Variants in OR2T1 observed in about 807,000 individuals in gnomAD.
OR2T1 encodes the protein olfactory receptor family 2 subfamily T member 1.
For synonymous variants in OR2T1, 186 were observed against 145.4 expected, an observed-to-expected ratio of 1.28 and a Z score of -2.01; for missense variants, 440 against 390.2, an observed-to-expected ratio of 1.13 and a Z score of -1.07.
intron 1 of OR2T1, among the ~76,000 whole-genome samples, chr1:248,403,898 T>C (rs1661483343): frequency 6.6e-6 from 1 of 152,098 alleles, no homozygotes; most frequent in Non-Finnish European, 1.5e-5. Flanking sequence ...TTTGCATTGC[T>C]AGGTTTGCAG....
rs1270238152 is a variant in OR2T1 at position 248,406,852 on chromosome 1, G to A, written c.705G>A (p.Lys235=). The change falls in exon 2 of 2, where the codon AAG becomes AAA. Residue 235 remains lysine (K), a synonymous_variant. Transcript: ENST00000642005. ...TGAGCTCAGTGGAGGGCAGGAAGAA[G>A]GCATTTGCCACTTGCTCATCCCACA... The part of the protein sequence containing the change: ...QCMSSVEGRK[K]AFATCSSHMT... 1.2e-6 allele frequency: 2 copies of A among 1,614,172 alleles called. No homozygotes were observed. Among genetic ancestry groups the A allele is most frequent in the Admixed American group, 1.7e-5 (1 of 60,008 alleles).
Position 248,407,895 on chromosome 1 carries a change from G to A in OR2T1, c.*791G>A, listed in dbSNP as rs1308260602. 6.6e-6 allele frequency: 1 copy of A among 152,208 alleles called. No individual in the cohort carries two copies. The highest frequency in any genetic ancestry group is 2.4e-5 in the African/African-American group (1 of 41,458). The allele number at this position is 152,208 out of a possible 1,614,324, so 9.4% of individuals were successfully genotyped here. Reference sequence around the variant, plus strand: ...TCCTTGAATTCTGTGAGCCTTTATAGTAAACTAACTGAACCCAAGGAAGGG... The same window carrying A: ...TCCTTGAATTCTGTGAGCCTTTATAATAAACTAACTGAACCCAAGGAAGGG... On this transcript the variant is annotated 3_prime_UTR_variant, in exon 2 of 2. Coordinates refer to ENST00000642005, the MANE Select transcript of OR2T1 (RefSeq NM_030904.2).
intron 1 of OR2T1, among the ~76,000 whole-genome samples, chr1:248,404,122 G>A (rs186130005): frequency 4.0e-3 from 8 of 2,010 alleles, no homozygotes; most frequent in Admixed American, 0.016. Context: ...CCAGAGCTAC[G>A]GAAAAATTCC....
chr1:248,406,430 G>C lies in OR2T1; in HGVS notation c.283G>C (p.Gly95Arg). 6.2e-7 allele frequency: 1 copy of C among 1,614,116 alleles called. No individual in the cohort carries two copies. Among genetic ancestry groups the C allele is most frequent in the Non-Finnish European group, 8.5e-7 (1 of 1,179,996 alleles). Residue 95 changes from glycine (G) to arginine (R), a missense_variant, in exon 2 of 2, where the codon GGG (glycine) becomes CGG (arginine). Transcript: ENST00000642005. ...GGATCAAAGGACCATTTCCTTTGTG[G>C]GGTGCACAGCTCAACACTTCCTCTA... is the stretch of plus-strand genomic sequence containing the variant. ...LLDQRTISFV[G>R]CTAQHFLYLT...
Position 248,404,041 on chromosome 1 carries a change from T to A in OR2T1, c.-34+796T>A, listed in dbSNP as rs181958056. Among the ~76,000 whole-genome samples, 6 of 152,200 alleles carry A rather than the reference T, an allele frequency of 3.9e-5. No homozygotes were observed. The East Asian group carries it at 7.7e-4, about 20-fold the overall frequency. On this transcript the variant is annotated intron_variant, in intron 1 of 1. Transcript: ENST00000642005. ...ATGGATAAAAGATCATCCTTTATAT[T>A]CTTGAAGTTTGTTGTGGATTTTACT...
Position 248,407,188 on chromosome 1 carries a change from A to G in OR2T1, c.*84A>G. ...GCTTTCATCAAAAGATGAAGCAAAAAGGGAGGGAGTCATATGATTACAATA... is the reference window on the plus strand; with the variant it reads ...GCTTTCATCAAAAGATGAAGCAAAAGGGGAGGGAGTCATATGATTACAATA... On this transcript the variant is annotated 3_prime_UTR_variant, in exon 2 of 2. Coordinates refer to ENST00000642005, the MANE Select transcript of OR2T1 (RefSeq NM_030904.2). 1.5e-6 allele frequency: 2 copies of G among 1,323,174 alleles called. No homozygotes were observed. The highest frequency in any genetic ancestry group is 2.3e-5 in the Admixed American group (1 of 42,862). 82.0% of individuals were successfully genotyped at this position (1,323,174 alleles called of 1,614,324 possible).
chr1:248,407,232 T>G lies in OR2T1; in HGVS notation c.*128T>G. The G allele has an allele frequency of 1.1e-6, 1 of 937,740 alleles. No individual in the cohort carries two copies. 58.1% of individuals were successfully genotyped at this position (937,740 alleles called of 1,614,324 possible). The stretch of plus-strand genomic sequence containing the variant: ...TACAATATTGGTTTTTTGGCTAGGG[T>G]TTCTGGTTCATAACTCCATAGTTAT... On this transcript the variant is annotated 3_prime_UTR_variant, in exon 2 of 2. Coordinates refer to ENST00000642005, the MANE Select transcript of OR2T1 (RefSeq NM_030904.2).
At position 248,406,399 on chromosome 1, in the gene OR2T1, C is replaced by A. The variant is rs1296415026; in HGVS notation, c.252C>A (p.Tyr84Ter). The A allele has an allele frequency of 6.8e-6, 11 of 1,614,100 alleles. No individual in the cohort carries two copies. The highest frequency in any genetic ancestry group is 9.3e-6 in the Non-Finnish European group (11 of 1,179,998). The change falls in exon 2 of 2, where the codon TAC becomes TAA. Residue 84 changes from tyrosine to a stop codon, truncating the protein, a stop_gained. Coordinates refer to ENST00000642005, the MANE Select transcript of OR2T1 (RefSeq NM_030904.2). LOFTEE classifies it low-confidence loss of function (END_TRUNC). The part of the protein sequence containing the change: ...STIVPKMLVN[Y>*]LLDQRTISFV... The stretch of plus-strand genomic sequence containing the variant: ...TTGTGCCTAAGATGCTGGTTAATTA[C>A]CTGCTGGATCAAAGGACCATTTCCT...
In OR2T1 at chr1:248,406,789, T is replaced by G. The variant is rs1174647426; in HGVS notation, c.642T>G (p.Leu214=). 1.2e-6 allele frequency: 2 copies of G among 1,614,176 alleles called. No individual in the cohort carries two copies. The highest frequency in any genetic ancestry group is 1.6e-4 in the Middle Eastern group (1 of 6,062). ...LMLLIPFSVV[L]ASYARILTTV... is the part of the protein sequence containing the mutation. ...TGCTGATTCCTTTCTCTGTAGTCCT[T>G]GCTTCCTATGCCCGAATCCTGACTA... Residue 214 remains leucine, a synonymous_variant, in exon 2 of 2, where the codon CTT becomes CTG. Transcript: ENST00000642005.
At position 248,406,982 on chromosome 1, in the gene OR2T1, A is replaced by G. The variant is rs200464446; in HGVS notation, c.835A>G (p.Ile279Val). 1.2e-6 allele frequency: 2 copies of G among 1,614,122 alleles called. No individual in the cohort carries two copies. The highest frequency in any genetic ancestry group is 1.7e-6 in the Non-Finnish European group (2 of 1,179,992). The change falls in exon 2 of 2, where the codon ATT becomes GTT. Residue 279 changes from isoleucine to valine, a missense_variant. By Grantham distance (29) the Ile-to-Val change is conservative. Coordinates refer to ENST00000642005, the MANE Select transcript of OR2T1 (RefSeq NM_030904.2). ...QDKVLSVFYT[I>V]LTPMLNPLIY... ...CAAAGTCCTCTCTGTGTTTTACACCATTCTCACACCCATGCTGAACCCCCT... is the reference window on the plus strand; with the variant it reads ...CAAAGTCCTCTCTGTGTTTTACACCGTTCTCACACCCATGCTGAACCCCCT...
chr1:248,405,959 C>T (rs1317300869), intron 1 of OR2T1, 156 bp from the exon 2 acceptor site: 2 of 1,523,104 alleles, frequency 1.3e-6, no homozygotes, highest in Non-Finnish European at 1.8e-6. Flanking sequence ...ATTTAAAAAC[C>T]TTCTGGAATA....
intron 1 of OR2T1, 175 bp from the exon 2 acceptor site, chr1:248,405,940 A>G: frequency 7.1e-7 from 1 of 1,416,374 alleles, no homozygotes; most frequent in Non-Finnish European, 9.6e-7. Context: ...ATTAATAATG[A>G]CCAATTTTAT....
chr1:248,406,400 C>T lies in OR2T1; in HGVS notation c.253C>T (p.Leu85=). The T allele has an allele frequency of 1.9e-6, 3 of 1,614,078 alleles. No homozygotes were observed. Among genetic ancestry groups the T allele is most frequent in the East Asian group, 2.2e-5 (1 of 44,880 alleles). ...TGTGCCTAAGATGCTGGTTAATTAC[C>T]TGCTGGATCAAAGGACCATTTCCTT... ...TIVPKMLVNY[L]LDQRTISFVG... is the part of the protein sequence containing the mutation. Residue 85 remains leucine, a synonymous_variant, in exon 2 of 2, where the codon CTG becomes TTG. Coordinates refer to ENST00000642005, the MANE Select transcript of OR2T1 (RefSeq NM_030904.2).
At chr1:248,405,801 T>C (rs1392757059) in intron 1 of OR2T1, among the ~76,000 whole-genome samples, 2 of 152,328 alleles carry the variant, frequency 1.3e-5, no homozygotes, top group Non-Finnish European at 2.9e-5. Context: ...CACACACGCA[T>C]ACACCGGACC....
rs1661548315 is a variant in OR2T1 at position 248,406,101 on chromosome 1, A to G, written c.-33-14A>G. On this transcript the variant is annotated splice_polypyrimidine_tract_variant and intron_variant, in intron 1 of 1. Transcript: ENST00000642005. ...ATTTTACTGCCCTGGGAATGCTATCATCTTATTTGGAAGATATTACCTTAT... is the reference window on the plus strand; with the variant it reads ...ATTTTACTGCCCTGGGAATGCTATCGTCTTATTTGGAAGATATTACCTTAT... 4.3e-6 allele frequency: 7 copies of G among 1,613,962 alleles called. No individual in the cohort carries two copies. In the African/African-American group the frequency reaches 6.7e-5, roughly 15 times the overall value.
In OR2T1 at chr1:248,404,349, C is replaced by T. The variant is rs571452477; in HGVS notation, c.-34+1104C>T. On this transcript the variant is annotated intron_variant, in intron 1 of 1. Transcript: ENST00000642005. ...GAAAATGTAGGAAGTGTGGAAGTAG[C>T]TGAAATACTGCTAATATTTAGGCTG... is the stretch of plus-strand genomic sequence containing the variant. 8.3e-5 allele frequency among the ~76,000 whole-genome samples: 7 copies of T among 84,574 alleles called. No homozygotes were observed. The East Asian group carries it at 2.3e-3, about 28-fold the overall frequency. The allele number at this position is 84,574 out of a possible 152,430, so 55.5% of individuals were successfully genotyped here. A position where few individuals can be genotyped will look rare whatever the true frequency, so the allele number is the denominator to read the frequency against.
intron 1 of OR2T1, among the ~76,000 whole-genome samples, chr1:248,404,391 G>A (rs1384615874): frequency 6.6e-6 from 1 of 151,826 alleles, no homozygotes; most frequent in Non-Finnish European, 1.5e-5. Flanking sequence ...AAACTGGAGA[G>A]GAGTTTCCCT....
Position 248,406,829 on chromosome 1 carries a change from A to G in OR2T1, c.682A>G (p.Ser228Gly). 6.2e-7 allele frequency: 1 copy of G among 1,614,188 alleles called. No individual in the cohort carries two copies. Among genetic ancestry groups the G allele is most frequent in the Non-Finnish European group, 8.5e-7 (1 of 1,180,020 alleles). The change falls in exon 2 of 2, where the codon AGC becomes GGC. Residue 228 changes from serine (S) to glycine (G), a missense_variant. Ser to Gly is a moderately conservative substitution (Grantham distance 56). Coordinates refer to ENST00000642005, the MANE Select transcript of OR2T1 (RefSeq NM_030904.2). Reference protein sequence around the residue: ...ARILTTVQCMSSVEGRKKAFA... With the variant: ...ARILTTVQCMGSVEGRKKAFA... Reference sequence around the variant, plus strand: ...AATCCTGACTACAGTTCAGTGCATGAGCTCAGTGGAGGGCAGGAAGAAGGC... The same window carrying G: ...AATCCTGACTACAGTTCAGTGCATGGGCTCAGTGGAGGGCAGGAAGAAGGC...
chr1:248,405,488 C>T (rs1661535827), intron 1 of OR2T1, among the ~76,000 whole-genome samples: 1 of 152,142 alleles, frequency 6.6e-6, no homozygotes, highest in Admixed American at 6.5e-5. Flanking sequence ...CACTGAATGC[C>T]TCTTGTATTG....
Sources: allele counts gnomAD v4.1 joint callset (sites outside exome capture counted in the v4.1 genomes callset), GRCh38; gene constraint gnomAD v4.1.1; transcripts MANE v1.5; gene names NCBI Gene and HGNC (gene_info 2026-07-23, HGNC 2026-07-21).